PDGFD: variants seen among roughly 807,000 people sequenced by gnomAD.
PDGFD encodes the protein platelet derived growth factor D.
PDGFD carries 30 observed loss-of-function variants against 44.7 expected under a neutral mutation model. The ratio of observed to expected loss-of-function variants is 0.67; its 90% CI spans 0.50 to 0.91. The LOEUF (loss-of-function observed/expected upper bound fraction) is 0.91. PDGFD is among the 40% of genes least tolerant of loss of function. PDGFD has a pLI of 0.00. For synonymous variants in PDGFD, 173 were observed against 168.4 expected (o/e 1.03, Z -0.21); for missense variants, 445 against 457.8 (o/e 0.97, Z 0.25).
At chr11:103,996,918 G>A (rs1250183193) in intron 2 of PDGFD, among the ~76,000 whole-genome samples, 1 of 152,166 alleles carries the variant, frequency 6.6e-6, no homozygotes, top group East Asian at 1.9e-4. Context: ...AAGACCATAA[G>A]TTCACCTCTG....
chr11:104,132,436 T>C (rs1363629187), intron 1 of PDGFD, among the ~76,000 whole-genome samples: 1 of 152,130 alleles, frequency 6.6e-6, no homozygotes, highest in Non-Finnish European at 1.5e-5. Context: ...AACAAAATTC[T>C]TAATGACCTC....
chr11:104,044,077 G>A (rs1432234218), intron 1 of PDGFD, among the ~76,000 whole-genome samples: 1 of 152,214 alleles, frequency 6.6e-6, no homozygotes, highest in African/African-American at 2.4e-5. Flanking sequence ...TCGATTGGAT[G>A]AAGCATTTGT....
At chr11:104,124,462 G>T (rs12224954) in intron 1 of PDGFD, among the ~76,000 whole-genome samples, 19,781 of 151,934 alleles carry the variant, frequency 0.13, 1,422 homozygotes, top group East Asian at 0.29. Flanking sequence ...AGTACAAAAC[G>T]AACAGACATT....
chr11:104,104,360 G>A (rs942135709), intron 1 of PDGFD, among the ~76,000 whole-genome samples: 3 of 151,982 alleles, frequency 2.0e-5, no homozygotes, highest in Non-Finnish European at 4.4e-5. Context: ...TCTATATAGT[G>A]TACAGTAATG....
chr11:103,957,401 A>G (rs1254984820), intron 3 of PDGFD, among the ~76,000 whole-genome samples: 2 of 152,170 alleles, frequency 1.3e-5, no homozygotes, highest in South Asian at 4.1e-4. Context: ...AAGAGCCCGC[A>G]TCGCCAAGTC....
intron 1 of PDGFD, among the ~76,000 whole-genome samples, chr11:104,125,029 G>C: frequency 6.6e-6 from 1 of 152,070 alleles, no homozygotes; most frequent in East Asian, 1.9e-4. Context: ...TAAGCTTTTT[G>C]TGTTGACTAA....
At chr11:103,927,207 G>A (rs1451755430) in intron 5 of PDGFD, 81 bp from the exon 6 acceptor site, 2 of 1,265,630 alleles carry the variant, frequency 1.6e-6, no homozygotes, top group Admixed American at 1.8e-5. Context: ...GAATAGAGTG[G>A]GAAGATTCTG....
intron 4 of PDGFD, chr11:103,945,714 C>A (rs1406352577): frequency 6.6e-6 from 1 of 152,212 alleles, no homozygotes; most frequent in Non-Finnish European, 1.5e-5. Context: ...TGGCTCCCAG[C>A]AGTGCCTAGA....
At chr11:103,955,458 C>T (rs1858829053) in intron 3 of PDGFD, among the ~76,000 whole-genome samples, 1 of 152,154 alleles carries the variant, frequency 6.6e-6, no homozygotes, top group Non-Finnish European at 1.5e-5. Flanking sequence ...GTCTTAACGT[C>T]TACAGGAATA....
chr11:104,146,861 T>C (rs1451678412), intron 1 of PDGFD, among the ~76,000 whole-genome samples: 1 of 151,974 alleles, frequency 6.6e-6, no homozygotes, highest in South Asian at 2.1e-4. Flanking sequence ...AAGGATACAG[T>C]AGGGAATAAA....
At chr11:103,938,873 G>T (rs1428160955) in intron 5 of PDGFD, among the ~76,000 whole-genome samples, 9 of 151,992 alleles carry the variant, frequency 5.9e-5, no homozygotes, top group African/African-American at 1.5e-4. Flanking sequence ...GTAGATATGC[G>T]GCATTATTTC....
At chr11:104,065,312 A>G (rs772105271) in intron 1 of PDGFD, among the ~76,000 whole-genome samples, 2 of 152,138 alleles carry the variant, frequency 1.3e-5, no homozygotes, top group Non-Finnish European at 2.9e-5. Flanking sequence ...CCCTAATATA[A>G]CTACTATTTC....
intron 1 of PDGFD, among the ~76,000 whole-genome samples, chr11:104,029,074 G>A (rs142531860): frequency 2.0e-3 from 309 of 152,304 alleles, no homozygotes; most frequent in Non-Finnish European, 3.3e-3. Flanking sequence ...CATTTTATGA[G>A]CTGAGTGAGA....
intron 1 of PDGFD, among the ~76,000 whole-genome samples, chr11:104,067,325 A>G (rs1299326643): frequency 1.3e-5 from 2 of 152,198 alleles, no homozygotes; most frequent in African/African-American, 4.8e-5. Context: ...TAACTGCTAA[A>G]TCTTTATTAA....
rs1232658602 is a variant in PDGFD at position 103,907,538 on chromosome 11, A to C, written c.*2156T>G. Reference sequence around the variant, plus strand: ...GAAGTTTTAATAAAACTCTCAGGAAAGGCAAAGAAAAGTGAGTGAATATGC... The same window carrying C: ...GAAGTTTTAATAAAACTCTCAGGAACGGCAAAGAAAAGTGAGTGAATATGC... On this transcript the variant is annotated 3_prime_UTR_variant, in exon 7 of 7. Coordinates refer to ENST00000393158, the MANE Select transcript of PDGFD (RefSeq NM_025208.5). 1 of 152,238 alleles carries C rather than the reference A, an allele frequency of 6.6e-6. No homozygotes were observed. The highest frequency in any genetic ancestry group is 1.5e-5 in the Non-Finnish European group (1 of 68,040). The allele number at this position is 152,238 out of a possible 1,614,324, so 9.4% of individuals were successfully genotyped here.
At chr11:104,010,424 G>A (rs1859766000) in intron 1 of PDGFD, among the ~76,000 whole-genome samples, 1 of 151,906 alleles carries the variant, frequency 6.6e-6, no homozygotes, top group Admixed American at 6.6e-5. Context: ...GTGTAATAAT[G>A]CCCAAAGTAT....
At position 103,909,401 on chromosome 11, in the gene PDGFD, AC is replaced by A. The variant is rs1171375302; in HGVS notation, c.*292del. 11 of 239,716 alleles carry A rather than the reference AC, an allele frequency of 4.6e-5. No homozygotes were observed. The highest frequency in any genetic ancestry group is 1.5e-4 in the Admixed American group (3 of 20,294). The allele number at this position is 239,716 out of a possible 1,614,324, so 14.8% of individuals were successfully genotyped here. ...TACCTGGTTATATATACCAAAAAAA[AC>A]ATTTGATCTATATACACATAGACAT... is the stretch of plus-strand genomic sequence containing the variant. On this transcript the variant is annotated 3_prime_UTR_variant, in exon 7 of 7. Coordinates refer to ENST00000393158, the MANE Select transcript of PDGFD (RefSeq NM_025208.5).
At chr11:104,065,678 C>A (rs1218826574) in intron 1 of PDGFD, among the ~76,000 whole-genome samples, 2 of 152,182 alleles carry the variant, frequency 1.3e-5, no homozygotes, top group South Asian at 2.1e-4. Context: ...ATTCAAAATT[C>A]AACCTTTGGG....
chr11:104,087,970 T>C (rs946507821), intron 1 of PDGFD, among the ~76,000 whole-genome samples: 2 of 152,252 alleles, frequency 1.3e-5, no homozygotes, highest in African/African-American at 4.8e-5. Flanking sequence ...TTTCACACCT[T>C]GCACTTGATC....
Sources: gnomAD v4.1 joint callset for allele counts (sites outside exome capture counted in the v4.1 genomes callset) on GRCh38, gnomAD v4.1.1 for gene constraint, MANE v1.5 for transcripts, NCBI Gene and HGNC (gene_info 2026-07-23, HGNC 2026-07-21) for gene names.